ZSWIM7: variants seen among roughly 807,000 people sequenced by gnomAD.
ZSWIM7 encodes zinc finger SWIM-type containing 7.
In ZSWIM7, 22 loss-of-function variants were observed where a neutral mutation model predicts 21.1. That is an observed-to-expected ratio of 1.04 (90% CI 0.74 to 1.49). The LOEUF (loss-of-function observed/expected upper bound fraction) is 1.49. ZSWIM7 is among the 40% of genes most tolerant of loss of function. The pLI, the probability that ZSWIM7 is intolerant of heterozygous loss-of-function variation, is 0.00. For synonymous variants in ZSWIM7, 67 were observed against 66.5 expected (o/e 1.01, Z -0.04); for missense variants, 193 against 168.0 (o/e 1.15, Z -0.82).
chr17:15,981,115 T>A lies in ZSWIM7; in HGVS notation c.231A>T (p.Thr77=), dbSNP rs1044039738. ...AACAGTAATGACAAGAAGCCAAACA[T>A]GTGTATGTTTTACTGGAACTTCCAA... ...QVLGSSSKTY[T]CLASCHYCSC... is the part of the protein sequence containing the mutation. The change falls in exon 4 of 5, where the codon ACA becomes ACT. Residue 77 remains threonine, a synonymous_variant. Transcript: ENST00000399277. 1 of 1,612,394 alleles carries A rather than the reference T, an allele frequency of 6.2e-7. No homozygotes were observed. Among genetic ancestry groups the A allele is most frequent in the African/African-American group, 1.3e-5 (1 of 74,800 alleles).
chr17:15,979,478 T>A (rs1455777716), intron 4 of ZSWIM7, among the ~76,000 whole-genome samples: 1 of 152,220 alleles, frequency 6.6e-6, no homozygotes. Flanking sequence ...ATTGTCATCA[T>A]GGCCCGCTCT....
At chr17:15,998,047 G>C (rs1365242772) in intron 1 of ZSWIM7, among the ~76,000 whole-genome samples, 1 of 151,980 alleles carries the variant, frequency 6.6e-6, no homozygotes, top group Admixed American at 6.6e-5. Flanking sequence ...GTTGCACTGA[G>C]CTGAGATCGC....
Position 15,978,060 on chromosome 17 carries a change from T to G in ZSWIM7, c.410A>C (p.Lys137Thr). The G allele has an allele frequency of 6.2e-7, 1 of 1,613,526 alleles. No individual in the cohort carries two copies. Among genetic ancestry groups the G allele is most frequent in the Non-Finnish European group, 8.5e-7 (1 of 1,179,404 alleles). ...QLTDILLMEK[K>T]QEA ...AATCTGTACCTTTTATGCTTCTTGT[T>G]TCTTCTCCATCAATAATATGTCAGT... Residue 137 changes from lysine to threonine, a missense_variant, in exon 5 of 5, where the codon AAA (lysine) becomes ACA (threonine). Coordinates refer to ENST00000399277, the MANE Select transcript of ZSWIM7 (RefSeq NM_001042697.2).
At chr17:15,981,359 A>G (rs1407142757) in intron 3 of ZSWIM7, among the ~76,000 whole-genome samples, 1 of 152,138 alleles carries the variant, frequency 6.6e-6, no homozygotes, top group Non-Finnish European at 1.5e-5. Context: ...CAGCATATAA[A>G]GGAACTGAAG....
intron 2 of ZSWIM7, among the ~76,000 whole-genome samples, chr17:15,988,984 C>T (rs980276861): frequency 6.6e-6 from 1 of 152,166 alleles, no homozygotes; most frequent in African/African-American, 2.4e-5. Context: ...CGCGCCACTA[C>T]ACTCTGGCCC....
At chr17:15,981,576 G>A (rs1970356035) in intron 3 of ZSWIM7, among the ~76,000 whole-genome samples, 1 of 152,078 alleles carries the variant, frequency 6.6e-6, no homozygotes, top group African/African-American at 2.4e-5. Context: ...TAAAGAGAGA[G>A]TAAAAACAGG....
intron 1 of ZSWIM7, among the ~76,000 whole-genome samples, chr17:15,996,493 T>G (rs1476923502): frequency 6.6e-6 from 1 of 151,562 alleles, no homozygotes; most frequent in Non-Finnish European, 1.5e-5. Context: ...GAAAATAAAA[T>G]AATCAGCTGG....
intron 2 of ZSWIM7, among the ~76,000 whole-genome samples, chr17:15,991,731 T>G (rs1006551240): frequency 5.9e-5 from 9 of 152,130 alleles, no homozygotes; most frequent in African/African-American, 1.9e-4. Context: ...CAATTCTACC[T>G]CCTTCCTTGC....
chr17:15,982,856 T>C (rs1970371065), intron 3 of ZSWIM7, among the ~76,000 whole-genome samples: 1 of 152,102 alleles, frequency 6.6e-6, no homozygotes, highest in African/African-American at 2.4e-5. Context: ...TCTTGCTATG[T>C]TGTCCAGGCT....
intron 3 of ZSWIM7, 26 bp from the exon 4 acceptor site, chr17:15,981,170 A>G: frequency 6.3e-7 from 1 of 1,579,646 alleles, no homozygotes; most frequent in Non-Finnish European, 8.7e-7. Context: ...AGATGGGATC[A>G]GACCTCAGAT....
intron 3 of ZSWIM7, among the ~76,000 whole-genome samples, chr17:15,981,909 C>T (rs1970360634): frequency 6.6e-6 from 1 of 152,116 alleles, no homozygotes; most frequent in Non-Finnish European, 1.5e-5. Flanking sequence ...AAGATCCCAT[C>T]TCTAAAATAA....
chr17:15,991,120 AT>A (rs915913915), intron 2 of ZSWIM7: 3 of 151,380 alleles, frequency 2.0e-5, no homozygotes, highest in African/African-American at 7.4e-5. Context: ...AAAAAAAAGA[AT>A]TTTTTTAACC....
chr17:15,990,657 A>AG (rs1474204577), intron 2 of ZSWIM7, among the ~76,000 whole-genome samples: 1 of 152,226 alleles, frequency 6.6e-6, no homozygotes, highest in Non-Finnish European at 1.5e-5. Context: ...AGACAAACCT[A>AG]GTAAGGCTTC....
At chr17:15,991,673 T>G (rs1047418275) in intron 2 of ZSWIM7, among the ~76,000 whole-genome samples, 3 of 152,256 alleles carry the variant, frequency 2.0e-5, no homozygotes, top group Non-Finnish European at 4.4e-5. Context: ...TAATATTTAA[T>G]TCTTATTAAA....
chr17:15,996,353 G>C (rs2151632497), intron 1 of ZSWIM7, among the ~76,000 whole-genome samples: 1 of 152,030 alleles, frequency 6.6e-6, no homozygotes. Flanking sequence ...TCAGACATAA[G>C]CCTCAAACAG....
At position 15,989,600 on chromosome 17, in the gene ZSWIM7, G is replaced by C. The variant is rs186856309; in HGVS notation, c.99-2232C>G. 5.0e-3 allele frequency among the ~76,000 whole-genome samples: 762 copies of C among 152,200 alleles called. 7 individuals carry two copies. The highest frequency in any genetic ancestry group is 4.3e-3 in the Non-Finnish European group (289 of 67,988). On this transcript the variant is annotated intron_variant, in intron 2 of 4. Transcript: ENST00000399277. Reference sequence around the variant, plus strand: ...CTCAAAGTGCTGGGGTTACAGGTGTGAGCCAGCGTGTCTGGCCTTTTTGTT... The same window carrying C: ...CTCAAAGTGCTGGGGTTACAGGTGTCAGCCAGCGTGTCTGGCCTTTTTGTT...
At chr17:15,999,409 A>C (rs759452939) in intron 1 of ZSWIM7, 110 bp downstream of exon 1, 1 of 1,379,638 alleles carries the variant, frequency 7.2e-7, no homozygotes, top group Non-Finnish European at 1.0e-6. Context: ...ACCACATGGA[A>C]AAAAGGCAGG....
rs759319446 is a variant in ZSWIM7, at chr17:15,978,185, C to A, written c.307-22G>T. ...TGCACTGGAATATAAAACACACACA[C>A]CTATTAGAAACAGGCAGGGCCAGGG... On this transcript the variant is annotated intron_variant, in intron 4 of 4. Transcript: ENST00000399277. The A allele has an allele frequency of 5.7e-6, 9 of 1,586,348 alleles. No individual in the cohort carries two copies. In the African/African-American group the frequency reaches 1.2e-4, roughly 21 times the overall value.
At chr17:15,989,060 C>T (rs1970450624) in intron 2 of ZSWIM7, among the ~76,000 whole-genome samples, 1 of 152,038 alleles carries the variant, frequency 6.6e-6, no homozygotes, top group Non-Finnish European at 1.5e-5. Flanking sequence ...AAACCAACTT[C>T]TACTTTCTCC....
Sources: gnomAD v4.1 joint callset for allele counts (sites outside exome capture counted in the v4.1 genomes callset) on GRCh38, gnomAD v4.1.1 for gene constraint, MANE v1.5 for transcripts, NCBI Gene and HGNC (gene_info 2026-07-23, HGNC 2026-07-21) for gene names.